The following DNAJC1 variants were observed in gnomAD, a reference collection of about 807,000 sequenced individuals.
DNAJC1 encodes DnaJ heat shock protein family (Hsp40) member C1.
A neutral mutation model predicts 76.6 loss-of-function variants in DNAJC1; 58 were observed. The ratio of observed to expected loss-of-function variants is 0.76; its 90% CI spans 0.61 to 0.94. The LOEUF is 0.94. Among genes scored for constraint, DNAJC1 ranks in the 40% least tolerant of loss-of-function variants. DNAJC1 has a pLI of 0.00. For missense variants in DNAJC1, 689 were observed against 677.3 expected (o/e 1.02, Z -0.19); for synonymous variants, 258 against 267.9 (o/e 0.96, Z 0.36).
intron 1 of DNAJC1, among the ~76,000 whole-genome samples, chr10:21,950,024 T>G (rs1443780496): frequency 6.6e-6 from 1 of 151,878 alleles, no homozygotes; most frequent in African/African-American, 2.4e-5. Context: ...TGCAAAAATA[T>G]GTAGTCATCC....
intron 8 of DNAJC1, among the ~76,000 whole-genome samples, chr10:21,816,868 A>C (rs949653211): frequency 6.9e-6 from 1 of 143,890 alleles, no homozygotes; most frequent in East Asian, 2.2e-4. Flanking sequence ...TTAAAAAAAA[A>C]AAAATGCCGG....
chr10:21,901,675 G>A (rs974636279), intron 7 of DNAJC1, among the ~76,000 whole-genome samples: 3 of 152,118 alleles, frequency 2.0e-5, no homozygotes, highest in East Asian at 1.9e-4. Context: ...AGTAGTTCTG[G>A]TGCAGCCCTC....
At chr10:21,982,225 C>T (rs545371421) in intron 1 of DNAJC1, among the ~76,000 whole-genome samples, 3 of 152,216 alleles carry the variant, frequency 2.0e-5, no homozygotes, top group Admixed American at 6.5e-5. Context: ...TTTTCTTTGA[C>T]GCCTCACATC....
chr10:21,790,806 GA>G (rs1437631648), intron 9 of DNAJC1, among the ~76,000 whole-genome samples: 1 of 150,120 alleles, frequency 6.7e-6, no homozygotes, highest in African/African-American at 2.4e-5. Context: ...AGGAAGAAAG[GA>G]AAAAAAGATA....
At chr10:21,834,342 G>T (rs1835414929) in intron 8 of DNAJC1, among the ~76,000 whole-genome samples, 1 of 152,172 alleles carries the variant, frequency 6.6e-6, no homozygotes, top group Non-Finnish European at 1.5e-5. Flanking sequence ...CTAAGGAGAG[G>T]AGCCAAGATG....
chr10:21,931,537 AT>A (rs1211841487), intron 1 of DNAJC1, among the ~76,000 whole-genome samples: 9 of 152,180 alleles, frequency 5.9e-5, no homozygotes, highest in Non-Finnish European at 1.3e-4. Flanking sequence ...TCAGAATCAG[AT>A]CTCTTTATTT....
At chr10:21,828,209 TC>T (rs939878367) in intron 8 of DNAJC1, among the ~76,000 whole-genome samples, 1 of 152,204 alleles carries the variant, frequency 6.6e-6, no homozygotes, top group African/African-American at 2.4e-5. Flanking sequence ...AGATGGCTGA[TC>T]TAGGCTGGGG....
chr10:21,860,568 C>A (rs373206344), intron 8 of DNAJC1, among the ~76,000 whole-genome samples: 1 of 152,008 alleles, frequency 6.6e-6, no homozygotes, highest in East Asian at 1.9e-4. Flanking sequence ...GTGGTGCGCA[C>A]CTGTAACCTC....
intron 1 of DNAJC1, among the ~76,000 whole-genome samples, chr10:21,996,788 T>C (rs1376439288): frequency 6.6e-6 from 1 of 152,212 alleles, no homozygotes; most frequent in African/African-American, 2.4e-5. Flanking sequence ...TCCCATAAAA[T>C]TGGCTCAGGC....
At chr10:21,943,122 A>C (rs1837446500) in intron 1 of DNAJC1, among the ~76,000 whole-genome samples, 1 of 152,202 alleles carries the variant, frequency 6.6e-6, no homozygotes, top group Non-Finnish European at 1.5e-5. Context: ...AAAATCTATG[A>C]GAAATGAAAT....
intron 9 of DNAJC1, among the ~76,000 whole-genome samples, chr10:21,796,130 C>T (rs1834748495): frequency 6.6e-6 from 1 of 151,920 alleles, no homozygotes; most frequent in South Asian, 2.1e-4. Context: ...CCACCATACC[C>T]AGCTAATTTT....
intron 1 of DNAJC1, among the ~76,000 whole-genome samples, chr10:21,964,238 A>T (rs920731396): frequency 1.3e-5 from 2 of 152,220 alleles, no homozygotes; most frequent in South Asian, 4.1e-4. Flanking sequence ...TTTTTTAGAC[A>T]GGGTCTCACT....
intron 8 of DNAJC1, among the ~76,000 whole-genome samples, chr10:21,858,331 C>T (rs1159083936): frequency 6.6e-6 from 1 of 152,050 alleles, no homozygotes. Flanking sequence ...AGAATATAAC[C>T]AAGTATCTTT....
chr10:21,942,805 C>CAAA (rs540122534), intron 1 of DNAJC1, among the ~76,000 whole-genome samples: 2 of 45,376 alleles, frequency 4.4e-5, no homozygotes, highest in South Asian at 7.4e-4. Flanking sequence ...GACTCCATCT[C>CAAA]AAAAAAAAAA....
At chr10:21,908,273 T>A (rs1379867990) in intron 6 of DNAJC1, among the ~76,000 whole-genome samples, 3 of 121,214 alleles carry the variant, frequency 2.5e-5, no homozygotes, top group Admixed American at 1.1e-4. Context: ...ATATATTTTA[T>A]ATATATATAT....
intron 8 of DNAJC1, among the ~76,000 whole-genome samples, chr10:21,822,201 G>A (rs1273704258): frequency 6.6e-6 from 1 of 152,114 alleles, no homozygotes; most frequent in Non-Finnish European, 1.5e-5. Context: ...AATCCCAGGA[G>A]GCTTAGGCAG....
intron 1 of DNAJC1, among the ~76,000 whole-genome samples, chr10:21,961,286 C>A (rs1318602251): frequency 6.6e-6 from 1 of 152,188 alleles, no homozygotes; most frequent in Non-Finnish European, 1.5e-5. Context: ...TCGTTCACAG[C>A]AGCATTATTC....
intron 1 of DNAJC1, among the ~76,000 whole-genome samples, chr10:21,938,293 T>C (rs1837347221): frequency 1.3e-5 from 2 of 151,264 alleles, no homozygotes; most frequent in African/African-American, 2.4e-5. Context: ...TGCCAAAACG[T>C]AGGATGTGGT....
intron 8 of DNAJC1, among the ~76,000 whole-genome samples, chr10:21,830,615 G>C (rs1835340975): frequency 6.6e-6 from 1 of 152,066 alleles, no homozygotes; most frequent in Non-Finnish European, 1.5e-5. Flanking sequence ...CAAATACAAA[G>C]ATTTCTCTTT....
Sources: gnomAD v4.1 joint callset for allele counts (sites outside exome capture counted in the v4.1 genomes callset) on GRCh38, gnomAD v4.1.1 for gene constraint, MANE v1.5 for transcripts, NCBI Gene and HGNC (gene_info 2026-07-23, HGNC 2026-07-21) for gene names.